KIRREL3: variants seen among roughly 807,000 people sequenced by gnomAD.
KIRREL3 encodes kin of IRRE-like protein 3.
In KIRREL3, 36 loss-of-function variants were observed where a neutral mutation model predicts 89.7. The observed-to-expected ratio is 0.40, with a 90% CI of 0.31 to 0.53. The LOEUF (loss-of-function observed/expected upper bound fraction) is 0.53, where lower values mean the gene tolerates loss of function less well. Among genes scored for constraint, KIRREL3 ranks in the 20% least tolerant of loss-of-function variants. The pLI, the probability that KIRREL3 is intolerant of heterozygous loss-of-function variation, is 0.49. For missense variants in KIRREL3, 864 were observed against 1,056.6 expected, an observed-to-expected ratio of 0.82 and a Z score of 2.53; for synonymous variants, 445 against 441.4, an observed-to-expected ratio of 1.01 and a Z score of -0.10.
Position 126,520,134 on chromosome 11 carries a change from G to C in KIRREL3, c.433+1181C>G, listed in dbSNP as rs894464637. Among the ~76,000 whole-genome samples, 1 of 152,158 alleles carries C rather than the reference G, an allele frequency of 6.6e-6. No individual in the cohort carries two copies. The highest frequency in any genetic ancestry group is 1.5e-5 in the Non-Finnish European group (1 of 68,048). On this transcript the variant is annotated intron_variant, in intron 4 of 16. Coordinates refer to ENST00000525144, the MANE Select transcript of KIRREL3 (RefSeq NM_032531.4). This position sits in a 1 kb window ranked among gnomAD's most constrained non-coding sequence, Gnocchi z 4.9. The stretch of plus-strand genomic sequence containing the variant: ...TGGAATAATCTGCCCTGGTGTCTTT[G>C]GCCATGTAGATCTGAAGATAACCTG...
At chr11:126,473,714 G>C (rs976460238) in intron 4 of KIRREL3, among the ~76,000 whole-genome samples, 7 of 152,230 alleles carry the variant, frequency 4.6e-5, no homozygotes, top group Non-Finnish European at 8.8e-5. Context: ...GCCAGGAGGG[G>C]ACAGGGCCAG....
In KIRREL3 at chr11:126,568,717, A is replaced by G. The variant is rs192336773; in HGVS notation, c.56-5805T>C. On this transcript the variant is annotated intron_variant, in intron 1 of 16. Coordinates refer to ENST00000525144, the MANE Select transcript of KIRREL3 (RefSeq NM_032531.4). The surrounding 1 kb of genome is among the most constrained non-coding windows in gnomAD (Gnocchi z 4.6). Reference sequence around the variant, plus strand: ...TGATTCTAACGGTAAGACCCTCCTCACATGATTCATATGAAAAGCAAATGA... The same window carrying G: ...TGATTCTAACGGTAAGACCCTCCTCGCATGATTCATATGAAAAGCAAATGA... Among the ~76,000 whole-genome samples the G allele has an allele frequency of 1.3e-3, 195 of 152,328 alleles. 1 individual carries two copies. Among genetic ancestry groups the G allele is most frequent in the Non-Finnish European group, 2.4e-3 (164 of 68,028 alleles).
rs1447595877 is a variant in KIRREL3 at position 126,574,348 on chromosome 11, C to T, written c.56-11436G>A. Among the ~76,000 whole-genome samples the T allele has an allele frequency of 6.6e-5, 10 of 152,150 alleles. No individual in the cohort carries two copies. The highest frequency in any genetic ancestry group is 2.4e-4 in the African/African-American group (10 of 41,432). ...CATATCCAAGCTGGTGGCCCAGCAACAAAAATCAAAGCTCTTTTCTTCTCT... is the reference window on the plus strand; with the variant it reads ...CATATCCAAGCTGGTGGCCCAGCAATAAAAATCAAAGCTCTTTTCTTCTCT... On this transcript the variant is annotated intron_variant, in intron 1 of 16. Coordinates refer to ENST00000525144, the MANE Select transcript of KIRREL3 (RefSeq NM_032531.4). This position sits in a 1 kb window ranked among gnomAD's most constrained non-coding sequence, Gnocchi z 5.3.
Position 126,431,972 on chromosome 11 carries a change from C to T in KIRREL3, c.1589-446G>A, listed in dbSNP as rs1565444430. Among the ~76,000 whole-genome samples the T allele has an allele frequency of 6.6e-6, 1 of 152,096 alleles. No homozygotes were observed. The highest frequency in any genetic ancestry group is 2.1e-4 in the South Asian group (1 of 4,810). ...CTATGGTCACTGCCCTTGTTTGTTC[C>T]GTATGTTCTCTCCTTCCCTTCCCTT... is the stretch of plus-strand genomic sequence containing the variant. On this transcript the variant is annotated intron_variant, in intron 13 of 16. Coordinates refer to ENST00000525144, the MANE Select transcript of KIRREL3 (RefSeq NM_032531.4). This position sits in a 1 kb window ranked among gnomAD's most constrained non-coding sequence, Gnocchi z 7.1.
Position 126,441,965 on chromosome 11 carries a change from C to T in KIRREL3, c.1253-1416G>A, listed in dbSNP as rs749889895. ...GCTTTGTTTTATTGCTGGACTAAAA[C>T]GTGATGATAATATAAAACCTTTTCT... On this transcript the variant is annotated intron_variant, in intron 10 of 16. Coordinates refer to ENST00000525144, the MANE Select transcript of KIRREL3 (RefSeq NM_032531.4). This position sits in a 1 kb window ranked among gnomAD's most constrained non-coding sequence, Gnocchi z 5.0. 6.6e-5 allele frequency among the ~76,000 whole-genome samples: 10 copies of T among 152,030 alleles called. No homozygotes were observed. Among genetic ancestry groups the T allele is most frequent in the African/African-American group, 1.4e-4 (6 of 41,398 alleles).
intron 1 of KIRREL3, among the ~76,000 whole-genome samples, chr11:126,688,031 C>G (rs1001280102): frequency 6.6e-6 from 1 of 152,224 alleles, no homozygotes; most frequent in African/African-American, 2.4e-5. Flanking sequence ...GAAGAAGATG[C>G]ATAACTTCTT....
chr11:126,756,059 A>G (rs1451588946), intron 1 of KIRREL3, among the ~76,000 whole-genome samples: 1 of 152,208 alleles, frequency 6.6e-6, no homozygotes, highest in Non-Finnish European at 1.5e-5. Flanking sequence ...GCAGCTTTAG[A>G]CATATTGGAA....
chr11:126,646,823 T>C (rs1944708923), intron 1 of KIRREL3, among the ~76,000 whole-genome samples: 1 of 152,176 alleles, frequency 6.6e-6, no homozygotes, highest in African/African-American at 2.4e-5. Flanking sequence ...GTAATTGCAA[T>C]GTAGCAATTC....
intron 2 of KIRREL3, among the ~76,000 whole-genome samples, chr11:126,546,305 A>G (rs1938809907): frequency 2.6e-5 from 4 of 152,214 alleles, no homozygotes; most frequent in Admixed American, 2.6e-4. Flanking sequence ...CAGTGAGGTT[A>G]TGGTAACTTG....
At chr11:126,758,700 A>G (rs1022767001) in intron 1 of KIRREL3, among the ~76,000 whole-genome samples, 3 of 152,244 alleles carry the variant, frequency 2.0e-5, no homozygotes, top group African/African-American at 4.8e-5. Flanking sequence ...ACCTTGCATG[A>G]TAAGGTAAGG....
intron 1 of KIRREL3, among the ~76,000 whole-genome samples, chr11:126,866,235 A>T (rs1002753562): frequency 6.6e-6 from 1 of 152,220 alleles, no homozygotes; most frequent in Admixed American, 6.5e-5. Flanking sequence ...ACAGTTAGGA[A>T]GAAAGAGGAT....
intron 1 of KIRREL3, among the ~76,000 whole-genome samples, chr11:126,646,502 T>A (rs1294124208): frequency 7.5e-6 from 1 of 134,046 alleles, no homozygotes; most frequent in South Asian, 2.4e-4. Context: ...TGAGACAGAG[T>A]CTCGTTCTGT....
chr11:126,509,469 A>T (rs1434194975), intron 4 of KIRREL3, among the ~76,000 whole-genome samples: 2 of 152,246 alleles, frequency 1.3e-5, no homozygotes, highest in Non-Finnish European at 2.9e-5. Flanking sequence ...GCTGGTATGT[A>T]GGTCATGAGG....
chr11:126,518,762 T>C (rs527814835), intron 4 of KIRREL3, among the ~76,000 whole-genome samples: 1 of 152,228 alleles, frequency 6.6e-6, no homozygotes, highest in African/African-American at 2.4e-5. Context: ...CCCTTCCAGC[T>C]GGCTGGGTCA....
chr11:126,832,979 G>A (rs898166629), intron 1 of KIRREL3, among the ~76,000 whole-genome samples: 33 of 152,178 alleles, frequency 2.2e-4, no homozygotes, highest in African/African-American at 8.0e-4. Context: ...CTGAAGCAGA[G>A]AATTCCGCGT....
intron 1 of KIRREL3, among the ~76,000 whole-genome samples, chr11:126,902,640 C>G (rs1436410672): frequency 6.6e-6 from 1 of 152,230 alleles, no homozygotes; most frequent in Non-Finnish European, 1.5e-5. Flanking sequence ...GTCAAAGTCC[C>G]TCTCCTCCAG....
In KIRREL3 at chr11:126,747,612, G is replaced by A. The variant is rs367714966; in HGVS notation, c.56-184700C>T. On this transcript the variant is annotated intron_variant, in intron 1 of 16. Transcript: ENST00000525144. The surrounding 1 kb of genome is among the most constrained non-coding windows in gnomAD (Gnocchi z 4.7). ...AGGCACTGTATATCCCTCTTTCGTG[G>A]TATTAGGAACCTGGTATAACTGAGA... Among the ~76,000 whole-genome samples, 5 of 152,176 alleles carry A rather than the reference G, an allele frequency of 3.3e-5. No individual in the cohort carries two copies. Among genetic ancestry groups the A allele is most frequent in the South Asian group, 4.2e-4 (2 of 4,796 alleles).
rs1266719086 is a variant in KIRREL3, at chr11:126,558,772, G to C, written c.133+4063C>G. 6.6e-6 allele frequency among the ~76,000 whole-genome samples: 1 copy of C among 152,074 alleles called. No homozygotes were observed. The highest frequency in any genetic ancestry group is 2.4e-5 in the African/African-American group (1 of 41,410). On this transcript the variant is annotated intron_variant, in intron 2 of 16. Transcript: ENST00000525144. This position sits in a 1 kb window ranked among gnomAD's most constrained non-coding sequence, Gnocchi z 4.0. ...GTGGTCTGGATCTCCAGGAGAGAGA[G>C]GTCATAAAGGGGGAGGGCCAGGAAG...
chr11:126,847,328 A>G (rs978378445), intron 1 of KIRREL3, among the ~76,000 whole-genome samples: 1 of 152,176 alleles, frequency 6.6e-6, no homozygotes, highest in African/African-American at 2.4e-5. Context: ...ATTGTTACAT[A>G]AAATCATTGT....
Sources: gnomAD v4.1 joint callset for allele counts (sites outside exome capture counted in the v4.1 genomes callset) on GRCh38, gnomAD v4.1.1 for gene constraint, Gnocchi (gnomAD v3.1) non-coding constraint, MANE v1.5 for transcripts, NCBI Gene and HGNC (gene_info 2026-07-23, HGNC 2026-07-21) for gene names.